Variants in PAPPA observed in about 807,000 individuals in gnomAD.
PAPPA encodes pappalysin 1, also known as pappalysin-1.
Under a neutral mutation model 164.0 loss-of-function variants are expected in PAPPA, and 60 were observed. The ratio of observed to expected loss-of-function variants is 0.37; its 90% confidence interval spans 0.30 to 0.45. PAPPA has a LOEUF of 0.45. PAPPA is among the 20% of genes least tolerant of loss of function. The probability of loss-of-function intolerance (pLI) is 1.00; values close to 1 mark genes in which losing one functional copy is unlikely to be tolerated. For missense variants in PAPPA, 1,782 were observed against 2,087.3 expected, an observed-to-expected ratio of 0.85 and a Z score of 2.85; for synonymous variants, 875 against 814.1, an observed-to-expected ratio of 1.07 and a Z score of -1.27.
chr9:116,354,011 A>G (rs1195399330), intron 17 of PAPPA, among the ~76,000 whole-genome samples: 1 of 152,106 alleles, frequency 6.6e-6, no homozygotes, highest in East Asian at 1.9e-4. Flanking sequence ...ATGGAATCCC[A>G]ATGTATGAAG....
chr9:116,186,504 A>T (rs1843972684), intron 1 of PAPPA, among the ~76,000 whole-genome samples: 1 of 152,122 alleles, frequency 6.6e-6, no homozygotes, highest in Admixed American at 6.6e-5. Flanking sequence ...AAATGGCAAG[A>T]TTCCTGTTAG....
At chr9:116,280,184 T>A (rs1845250020) in intron 9 of PAPPA, among the ~76,000 whole-genome samples, 1 of 152,178 alleles carries the variant, frequency 6.6e-6, no homozygotes, top group Non-Finnish European at 1.5e-5. Context: ...GCCTGCTGTA[T>A]GCCAGGCACT....
At chr9:116,282,581 A>ACAGG (rs1334992099) in intron 9 of PAPPA, among the ~76,000 whole-genome samples, 2 of 152,244 alleles carry the variant, frequency 1.3e-5, no homozygotes, top group Non-Finnish European at 2.9e-5. Context: ...TTAACATTAT[A>ACAGG]CAGGCATTAT....
chr9:116,212,045 T>C, intron 4 of PAPPA, 113 bp downstream of exon 4: 1 of 877,352 alleles, frequency 1.1e-6, no homozygotes, highest in Non-Finnish European at 1.8e-6. Context: ...ATGGAAGGCC[T>C]AGCTCTGCCA....
chr9:116,332,517 C>T, intron 12 of PAPPA, 49 bp downstream of exon 12: 1 of 1,545,780 alleles, frequency 6.5e-7, no homozygotes, highest in Admixed American at 1.7e-5. Context: ...CTGATTCCAC[C>T]TCTGCCCCAT....
chr9:116,259,369 A>G (rs1000150522), intron 7 of PAPPA, among the ~76,000 whole-genome samples: 1 of 152,098 alleles, frequency 6.6e-6, no homozygotes. Flanking sequence ...ATTAGGAGTC[A>G]TAGACCATGA....
chr9:116,344,778 G>C, intron 14 of PAPPA, 67 bp downstream of exon 14: 1 of 1,422,088 alleles, frequency 7.0e-7, no homozygotes, highest in Non-Finnish European at 9.8e-7. Context: ...TGTTAACCAT[G>C]TTCTCTGCTA....
rs753447385 is a variant in PAPPA at position 116,235,398 on chromosome 9, G to A, written c.2493G>A (p.Gln831=). ...VSGKNISLGP[Q]NVFCDVPLTI... Reference sequence around the variant, plus strand: ...GGAAGAACATCTCCCTGGGTCCTCAGAATGTCTTCTGTGATGTCCCACTGA... The same window carrying A: ...GGAAGAACATCTCCCTGGGTCCTCAAAATGTCTTCTGTGATGTCCCACTGA... The change falls in exon 7 of 22, where the codon CAG becomes CAA. Residue 831 remains glutamine (Q), a synonymous_variant. Coordinates refer to ENST00000328252, the MANE Select transcript of PAPPA (RefSeq NM_002581.5). 11 of 1,613,892 alleles carry A rather than the reference G, an allele frequency of 6.8e-6. 1 individual carries two copies. The South Asian group carries it at 8.8e-5, about 13-fold the overall frequency.
intron 18 of PAPPA, among the ~76,000 whole-genome samples, chr9:116,365,273 A>T (rs1846484695): frequency 6.6e-6 from 1 of 152,004 alleles, no homozygotes; most frequent in Non-Finnish European, 1.5e-5. Context: ...CCACCTGGGG[A>T]GGCTTCTGTG....
At chr9:116,378,372 A>T (rs565736635) in intron 20 of PAPPA, among the ~76,000 whole-genome samples, 1 of 151,910 alleles carries the variant, frequency 6.6e-6, no homozygotes, top group South Asian at 2.1e-4. Flanking sequence ...TCTGCACATC[A>T]CTCTGCCCCT....
chr9:116,355,048 C>T (rs2118603819), intron 17 of PAPPA, among the ~76,000 whole-genome samples: 1 of 152,306 alleles, frequency 6.6e-6, no homozygotes. Flanking sequence ...GGAGCCCTTC[C>T]TCAATATCCC....
intron 2 of PAPPA, among the ~76,000 whole-genome samples, chr9:116,189,202 A>C (rs1194499065): frequency 6.6e-6 from 1 of 152,236 alleles, no homozygotes; most frequent in Admixed American, 6.5e-5. Flanking sequence ...GGGCTAATGT[A>C]TAGCATGAGG....
chr9:116,231,185 T>C (rs987780982), intron 6 of PAPPA, among the ~76,000 whole-genome samples: 2 of 152,206 alleles, frequency 1.3e-5, no homozygotes, highest in African/African-American at 4.8e-5. Context: ...TGACCTTATT[T>C]CTAGTGGACA....
chr9:116,393,038 C>T (rs1846915489), intron 21 of PAPPA, among the ~76,000 whole-genome samples: 1 of 152,090 alleles, frequency 6.6e-6, no homozygotes, highest in Admixed American at 6.5e-5. Context: ...CCAGACTGGC[C>T]TGGGGAAGGA....
intron 7 of PAPPA, among the ~76,000 whole-genome samples, chr9:116,254,689 G>A (rs1020288982): frequency 1.3e-5 from 2 of 151,272 alleles, no homozygotes; most frequent in African/African-American, 4.9e-5. Context: ...AGCTGAGGCA[G>A]GAGAATGGCG....
At chr9:116,156,318 G>GTGTATATATATATGTGTATATATATATA (rs1425454639) in intron 1 of PAPPA, among the ~76,000 whole-genome samples, 52 of 95,092 alleles carry the variant, frequency 5.5e-4, no homozygotes, top group South Asian at 1.4e-3. Context: ...ATATATATGT[G>GTGTATATATATATGTGTATATATATATA]TGTATATATA....
At chr9:116,339,600 TC>T (rs1846108025) in intron 13 of PAPPA, among the ~76,000 whole-genome samples, 2 of 152,236 alleles carry the variant, frequency 1.3e-5, no homozygotes, top group African/African-American at 4.8e-5. Flanking sequence ...AGAACAGTTT[TC>T]CCTCCATTTT....
At chr9:116,385,805 T>A (rs950237375) in intron 21 of PAPPA, among the ~76,000 whole-genome samples, 1 of 152,248 alleles carries the variant, frequency 6.6e-6, no homozygotes, top group Non-Finnish European at 1.5e-5. Flanking sequence ...AGGATCTCTG[T>A]GTGCTCAGCA....
intron 13 of PAPPA, among the ~76,000 whole-genome samples, chr9:116,341,057 T>C (rs1232578941): frequency 6.6e-6 from 1 of 152,098 alleles, no homozygotes. Context: ...TTTATTTATT[T>C]TGATACACAG....
Sources: allele counts gnomAD v4.1 joint callset (sites outside exome capture counted in the v4.1 genomes callset), GRCh38; gene constraint gnomAD v4.1.1; transcripts MANE v1.5; gene names NCBI Gene and HGNC (gene_info 2026-07-23, HGNC 2026-07-21).